The following C8orf89 variants were observed in gnomAD, a reference collection of about 807,000 sequenced individuals.
The protein encoded by C8orf89 is putative uncharacterized protein C8orf89.
A neutral mutation model predicts 15.8 loss-of-function variants in C8orf89; 14 were observed. The observed-to-expected ratio is 0.89, with a 90% CI of 0.59 to 1.39. The LOEUF is 1.39. C8orf89 is among the 40% of genes most tolerant of loss of function. The pLI is 0.00. For missense variants in C8orf89, 181 were observed against 184.5 expected (o/e 0.98, Z 0.11); for synonymous variants, 55 against 62.2 (o/e 0.88, Z 0.54).
At chr8:73,252,968 C>T (rs1586164247) in intron 2 of C8orf89, among the ~76,000 whole-genome samples, 1 of 152,080 alleles carries the variant, frequency 6.6e-6, no homozygotes, top group African/African-American at 2.4e-5. Context: ...GGTGAAACCC[C>T]GTCTCTACTA....
chr8:73,257,089 T>C lies in C8orf89; in HGVS notation c.165A>G (p.Glu55=), dbSNP rs1194613620. The change falls in exon 2 of 4, where the codon GAA becomes GAG. Residue 55 remains glutamate (E), a synonymous_variant. Transcript: ENST00000624510. ...TTAFGLEELK[E]CIKMPYLPGL... is the part of the protein sequence containing the mutation. Reference sequence around the variant, plus strand: ...CTGGTAAATATGGCATTTTGATACATTCCTTGAGCTCTTCTAGACCAAATG... The same window carrying C: ...CTGGTAAATATGGCATTTTGATACACTCCTTGAGCTCTTCTAGACCAAATG... 6.5e-7 allele frequency: 1 copy of C among 1,535,532 alleles called. No individual in the cohort carries two copies. The highest frequency in any genetic ancestry group is 2.0e-5 in the Admixed American group (1 of 50,970).
chr8:73,285,115 T>C, the C8orf89 span, among the ~76,000 whole-genome samples: 3 of 152,162 alleles, frequency 2.0e-5, no homozygotes, highest in Admixed American at 6.5e-5. Context: ...ACAGTCTAAC[T>C]GGGTTGGTCT....
the C8orf89 span, among the ~76,000 whole-genome samples, chr8:73,281,635 C>G: frequency 0.5 from 59,729 of 119,550 alleles, 11,973 homozygotes; most frequent in South Asian, 0.65. Context: ...GGAAGGTTTT[C>G]TTTGTTTGTT....
intron 3 of C8orf89, among the ~76,000 whole-genome samples, chr8:73,242,183 A>G (rs1229127109): frequency 6.6e-6 from 1 of 152,210 alleles, no homozygotes; most frequent in Non-Finnish European, 1.5e-5. Flanking sequence ...TGCACAGCAA[A>G]GGAAACAATC....
At chr8:73,282,770 T>A in the C8orf89 span, among the ~76,000 whole-genome samples, 2 of 152,146 alleles carry the variant, frequency 1.3e-5, no homozygotes, top group Non-Finnish European at 2.9e-5. Context: ...GTCCAGAGTA[T>A]TTAGAGTGGT....
At chr8:73,242,074 G>A (rs184202572) in intron 3 of C8orf89, among the ~76,000 whole-genome samples, 3 of 152,240 alleles carry the variant, frequency 2.0e-5, no homozygotes, top group Admixed American at 2.0e-4. Flanking sequence ...CCAGGACATG[G>A]GAGTGGTCAA....
the C8orf89 span, among the ~76,000 whole-genome samples, chr8:73,280,780 C>A: frequency 6.6e-6 from 1 of 150,378 alleles, no homozygotes; most frequent in African/African-American, 2.4e-5. Flanking sequence ...TACATATATA[C>A]ATATATGTAT....
chr8:73,256,881 A>C, intron 2 of C8orf89, 92 bp downstream of exon 2: 1 of 787,270 alleles, frequency 1.3e-6, no homozygotes, highest in African/African-American at 1.8e-5. Flanking sequence ...GGCAAAAATG[A>C]ATGCAATTCA....
intron 1 of C8orf89, among the ~76,000 whole-genome samples, chr8:73,258,981 A>G (rs1199683892): frequency 1.3e-5 from 2 of 152,214 alleles, no homozygotes; most frequent in Admixed American, 6.5e-5. Context: ...TGGATGTCTT[A>G]AAATATAAAA....
intron 1 of C8orf89, among the ~76,000 whole-genome samples, chr8:73,257,958 A>G (rs1813436266): frequency 6.6e-6 from 1 of 151,968 alleles, no homozygotes; most frequent in Non-Finnish European, 1.5e-5. Flanking sequence ...AAGCATATAG[A>G]CTCTTTTTTC....
chr8:73,244,387 T>A (rs1813075372), intron 3 of C8orf89, among the ~76,000 whole-genome samples: 1 of 152,174 alleles, frequency 6.6e-6, no homozygotes, highest in African/African-American at 2.4e-5. Context: ...ACTATCAGAG[T>A]TAGGATTTGA....
At chr8:73,252,591 A>G (rs750693832) in intron 2 of C8orf89, among the ~76,000 whole-genome samples, 1 of 152,082 alleles carries the variant, frequency 6.6e-6, no homozygotes, top group Non-Finnish European at 1.5e-5. Flanking sequence ...TCAACTTTTC[A>G]TTTTAACCTG....
upstream of C8orf89, among the ~76,000 whole-genome samples, chr8:73,263,843 T>G (rs1813572741): frequency 6.6e-6 from 1 of 152,202 alleles, no homozygotes; most frequent in African/African-American, 2.4e-5. Flanking sequence ...TTCTATAAAG[T>G]CACTGTGAAC....
At chr8:73,251,751 G>A (rs1316770756) in intron 2 of C8orf89, among the ~76,000 whole-genome samples, 1 of 152,174 alleles carries the variant, frequency 6.6e-6, no homozygotes, top group African/African-American at 2.4e-5. Context: ...GCTAATTCAT[G>A]GGTATTTTCC....
At chr8:73,282,664 G>T in the C8orf89 span, among the ~76,000 whole-genome samples, 1 of 152,200 alleles carries the variant, frequency 6.6e-6, no homozygotes, top group Non-Finnish European at 1.5e-5. Context: ...TATATATTCT[G>T]AACAGAGGTA....
At position 73,250,268 on chromosome 8, in the gene C8orf89, C is replaced by T; in HGVS notation, c.337G>A (p.Gly113Ser). Residue 113 changes from glycine to serine, a missense_variant and splice_region_variant, in exon 3 of 4, where the codon GGT (glycine) becomes AGT (serine). By Grantham distance (56) the Gly-to-Ser change is moderately conservative. Transcript: ENST00000624510. ...TAGAAAAAAGGACGAGTCAGCTTACCTTTTGATTTCTCCCAAAGTGGTGCC... is the reference window on the plus strand; with the variant it reads ...TAGAAAAAAGGACGAGTCAGCTTACTTTTTGATTTCTCCCAAAGTGGTGCC... ...SVAPLWEKSK[G>S]SGFSDPLTGA... The T allele has an allele frequency of 6.5e-7, 1 of 1,531,962 alleles. No individual in the cohort carries two copies. The highest frequency in any genetic ancestry group is 8.7e-7 in the Non-Finnish European group (1 of 1,143,892). 94.9% of individuals were successfully genotyped at this position (1,531,962 alleles called of 1,614,324 possible). A position where few individuals can be genotyped will look rare whatever the true frequency, so the allele number is the denominator to read the frequency against.
chr8:73,282,239 G>A, the C8orf89 span, among the ~76,000 whole-genome samples: 36 of 152,296 alleles, frequency 2.4e-4, no homozygotes, highest in Non-Finnish European at 4.9e-4. Flanking sequence ...TGCCTGCACA[G>A]AATTTCCAGT....
chr8:73,274,277 G>GAGTA, the C8orf89 span, among the ~76,000 whole-genome samples: 1 of 151,794 alleles, frequency 6.6e-6, no homozygotes, highest in Non-Finnish European at 1.5e-5. Context: ...ACAGCCTCCC[G>GAGTA]AGTAGCTGGG....
chr8:73,254,890 G>C (rs1285869842), intron 2 of C8orf89, among the ~76,000 whole-genome samples: 4 of 152,178 alleles, frequency 2.6e-5, no homozygotes, highest in Non-Finnish European at 4.4e-5. Flanking sequence ...TTTAATAAAT[G>C]GTGCTGGGAA....
Sources: allele counts gnomAD v4.1 joint callset (sites outside exome capture counted in the v4.1 genomes callset), GRCh38; gene constraint gnomAD v4.1.1; transcripts MANE v1.5; gene names NCBI Gene and HGNC (gene_info 2026-07-23, HGNC 2026-07-21).